DOCK9: variants seen among roughly 807,000 people sequenced by gnomAD.
The protein encoded by DOCK9 is dedicator of cytokinesis 9, also known as dedicator of cytokinesis protein 9.
A neutral mutation model predicts 263.3 loss-of-function variants in DOCK9; 89 were observed. The ratio of observed to expected loss-of-function variants is 0.34; its 90% CI spans 0.28 to 0.40. DOCK9 has a LOEUF of 0.40. Ranked by LOEUF, DOCK9 falls within the 10% of genes least tolerant of loss-of-function variation. The pLI is 1.00. For synonymous variants in DOCK9, 976 were observed against 973.1 expected, an observed-to-expected ratio of 1.00 and a Z score of -0.06; for missense variants, 2,140 against 2,603.4, an observed-to-expected ratio of 0.82 and a Z score of 3.87.
chr13:99,012,542 CCACCTGAGCTGGAGGTAGGA>C lies in DOCK9; in HGVS notation c.130-57011_130-56992del, dbSNP rs370371198. The stretch of plus-strand genomic sequence containing the variant: ...AAGCCAGAATCACAGGCTGGAGCCA[CCACCTGAGCTGGAGGTAGGA>C]CAGACATCCTACCCAAGCTGAGAAC... On this transcript the variant is annotated intron_variant, in intron 1 of 32. Transcript: ENST00000427887. Among the ~76,000 whole-genome samples, 146 of 152,258 alleles carry C rather than the reference CCACCTGAGCTGGAGGTAGGA, an allele frequency of 9.6e-4. 2 individuals are homozygous for C. The highest frequency in any genetic ancestry group is 3.5e-3 in the African/African-American group (144 of 41,548).
chr13:98,961,368 C>G (rs2058622698), intron 1 of DOCK9, among the ~76,000 whole-genome samples: 1 of 152,176 alleles, frequency 6.6e-6, no homozygotes, highest in South Asian at 2.1e-4. Context: ...AGCTCCAGTC[C>G]CTCCCTCTAC....
intron 2 of DOCK9, among the ~76,000 whole-genome samples, chr13:98,949,293 T>C (rs1460494433): frequency 6.6e-6 from 1 of 152,180 alleles, no homozygotes; most frequent in Non-Finnish European, 1.5e-5. Context: ...CCTTTCTTCC[T>C]ATGTGTATTT....
At chr13:99,066,065 C>G (rs1467963538) in intron 1 of DOCK9, among the ~76,000 whole-genome samples, 2 of 152,194 alleles carry the variant, frequency 1.3e-5, no homozygotes, top group African/African-American at 4.8e-5. Context: ...ATGACCCACA[C>G]ACGTCCTGAA....
chr13:98,928,394 A>C (rs1273242836), intron 3 of DOCK9, among the ~76,000 whole-genome samples: 1 of 152,246 alleles, frequency 6.6e-6, no homozygotes, highest in South Asian at 2.1e-4. Context: ...ATGAAGAGGA[A>C]GTGATGTTCA....
chr13:98,987,945 T>A lies in DOCK9; in HGVS notation c.130-32394A>T, dbSNP rs1040112309. 8.4e-4 allele frequency among the ~76,000 whole-genome samples: 121 copies of A among 143,556 alleles called. 1 individual carries two copies. In the Middle Eastern group the frequency reaches 0.011, roughly 14 times the overall value. The allele number at this position is 143,556 out of a possible 152,430, so 94.2% of individuals were successfully genotyped here. Reference sequence around the variant, plus strand: ...TATTAAAAGATAACAGCATATAAAATTTTTTTTAAATTTAAAAAATAAAAA... The same window carrying A: ...TATTAAAAGATAACAGCATATAAAAATTTTTTTAAATTTAAAAAATAAAAA... On this transcript the variant is annotated intron_variant, in intron 1 of 32. Transcript: ENST00000427887.
rs2092667915 is a variant in DOCK9, at chr13:98,829,266, T to C, written c.4965+41A>G. The C allele has an allele frequency of 6.4e-7, 1 of 1,561,912 alleles. No individual in the cohort carries two copies. The highest frequency in any genetic ancestry group is 8.7e-7 in the Non-Finnish European group (1 of 1,149,984). On this transcript the variant is annotated intron_variant, in intron 43 of 52. Coordinates refer to ENST00000682017, the MANE Select transcript of DOCK9 (RefSeq NM_001366683.2). This position sits in a 1 kb window ranked among gnomAD's most constrained non-coding sequence, Gnocchi z 4.1. ...TTTTAAGTGAATGGGGCCTCACTGG[T>C]TTTTTCAAAAACCCATTCAAGCGGC...
Position 98,903,118 on chromosome 13 carries a change from A to G in DOCK9, c.1036-6T>C. 2 of 1,499,046 alleles carry G rather than the reference A, an allele frequency of 1.3e-6. No homozygotes were observed. The highest frequency in any genetic ancestry group is 1.8e-6 in the Non-Finnish European group (2 of 1,130,654). 92.9% of individuals were successfully genotyped at this position (1,499,046 alleles called of 1,614,324 possible). A position where few individuals can be genotyped will look rare whatever the true frequency, so the allele number is the denominator to read the frequency against. On this transcript the variant is annotated splice_polypyrimidine_tract_variant and splice_region_variant and intron_variant, in intron 10 of 52. Transcript: ENST00000682017. ...GCTGATGAGAAGTCAAGCTTCTTTA[A>G]AAGAAAATGTAAACATATAAATAAG...
chr13:98,860,343 T>C (rs1462797113), intron 33 of DOCK9, 62 bp downstream of exon 33: 7 of 1,549,516 alleles, frequency 4.5e-6, no homozygotes, highest in East Asian at 2.4e-5. Context: ...TCACCAACTA[T>C]TGGCTCCAAG....
Position 98,886,578 on chromosome 13 carries a change from A to C in DOCK9, c.2090T>G (p.Phe697Cys). The C allele has an allele frequency of 6.2e-7, 1 of 1,613,922 alleles. No homozygotes were observed. Among genetic ancestry groups the C allele is most frequent in the Non-Finnish European group, 8.5e-7 (1 of 1,179,832 alleles). Reference sequence around the variant, plus strand: ...TTGGTGATGGTGTAAAACTGCAGCAAAGGCGCTTCTTGTGAAAACTGGCCC... The same window carrying C: ...TTGGTGATGGTGTAAAACTGCAGCACAGGCGCTTCTTGTGAAAACTGGCCC... ...PGGPVFTRSA[F>C]AAVLHHHQNP... Residue 697 changes from phenylalanine (F) to cysteine (C), a missense_variant, in exon 19 of 53, where the codon TTT becomes TGT. Phe to Cys is a radical substitution (Grantham distance 205). This residue lies in a region of DOCK9 where 1,521 missense variants were observed against 1,741.7 expected (regional missense o/e 0.87). Transcript: ENST00000682017.
At chr13:98,980,300 C>T (rs144191409), upstream of DOCK9, among the ~76,000 whole-genome samples, 1 of 152,394 alleles carries the variant, frequency 6.6e-6, no homozygotes, top group African/African-American at 2.4e-5. Flanking sequence ...CATGCCTGTT[C>T]AAGCCCTACA....
chr13:99,086,503 C>T, exon 1 of DOCK9: 1 of 362,766 alleles, frequency 2.8e-6, no homozygotes, highest in Non-Finnish European at 3.8e-6. Context: ...GCGAGTCCGG[C>T]CGCCGCAGCC....
In DOCK9 at chr13:98,904,664, C is replaced by T. The variant is rs756823386; in HGVS notation, c.1003G>A (p.Val335Ile). ...AEIKLKSESR[V>I]KLFYLDPDAQ... ...TCTGGGTCCAAATAAAAAAGTTTGA[C>T]TCTGCTTTCACTTTTCAGTTTGATT... Residue 335 changes from valine (V) to isoleucine (I), a missense_variant, in exon 10 of 53, where the codon GTC becomes ATC. Val to Ile is a conservative substitution (Grantham distance 29, BLOSUM62 3). Coordinates refer to ENST00000682017, the MANE Select transcript of DOCK9 (RefSeq NM_001366683.2). 2 of 1,557,850 alleles carry T rather than the reference C, an allele frequency of 1.3e-6. No individual in the cohort carries two copies. Among genetic ancestry groups the T allele is most frequent in the Non-Finnish European group, 1.7e-6 (2 of 1,149,628 alleles).
chr13:98,905,747 TCTTTA>T (rs749947983), intron 9 of DOCK9, among the ~76,000 whole-genome samples: 76 of 150,840 alleles, frequency 5.0e-4, no homozygotes, highest in Non-Finnish European at 9.1e-4. Context: ...ATTCTTTATT[TCTTTA>T]CTTTCTTAAT....
At chr13:98,909,952 A>G (rs533828396) in intron 9 of DOCK9, among the ~76,000 whole-genome samples, 3 of 152,338 alleles carry the variant, frequency 2.0e-5, no homozygotes, top group African/African-American at 7.2e-5. Flanking sequence ...AAACAAAGTT[A>G]AAAGGTAAAA....
chr13:98,906,238 G>A (rs1468318501), intron 9 of DOCK9, among the ~76,000 whole-genome samples: 1 of 152,138 alleles, frequency 6.6e-6, no homozygotes, highest in Admixed American at 6.5e-5. Flanking sequence ...GAGATGTCCT[G>A]AGGGAGAGGG....
chr13:98,863,636 G>T, intron 30 of DOCK9, 88 bp from the exon 31 acceptor site: 3 of 1,388,890 alleles, frequency 2.2e-6, no homozygotes, highest in Non-Finnish European at 2.9e-6. Context: ...AAAAAACTAA[G>T]ACCCATCCTC....
In DOCK9 at chr13:98,863,530, G is replaced by A. The variant is rs907221531; in HGVS notation, c.3305C>T (p.Ser1102Leu). The change falls in exon 31 of 53, where the codon TCA (serine) becomes TTA (leucine). Residue 1102 changes from serine to leucine, a missense_variant. Around this residue, in one of 2 missense-constraint regions of DOCK9, gnomAD observed 1,521 missense variants for 1,741.7 expected, o/e 0.87. Transcript: ENST00000682017. ...QRYQDLQLDY[S>L]LTDEFCRNHF... Reference sequence around the variant, plus strand: ...GTTTCTGCAGAACTCATCTGTTAATGAGTAGTCAAGCTGGAGGTCTGAAAT... The same window carrying A: ...GTTTCTGCAGAACTCATCTGTTAATAAGTAGTCAAGCTGGAGGTCTGAAAT... 3.1e-6 allele frequency: 5 copies of A among 1,611,880 alleles called. No individual in the cohort carries two copies. Among genetic ancestry groups the A allele is most frequent in the African/African-American group, 1.3e-5 (1 of 74,792 alleles).
intron 3 of DOCK9, among the ~76,000 whole-genome samples, chr13:98,928,405 C>T (rs780304880): frequency 1.1e-4 from 16 of 152,208 alleles, no homozygotes; most frequent in Non-Finnish European, 1.8e-4. Flanking sequence ...GTGATGTTCA[C>T]TCCACCCAAG....
intron 3 of DOCK9, among the ~76,000 whole-genome samples, chr13:98,927,632 T>TA (rs113119220): frequency 0.64 from 97,680 of 151,652 alleles, 31,962 homozygotes; most frequent in Middle Eastern, 0.78. Flanking sequence ...TTTATTTATT[T>TA]TTTTTTAAGA....
Sources: allele counts gnomAD v4.1 joint callset (sites outside exome capture counted in the v4.1 genomes callset), GRCh38; gene constraint gnomAD v4.1.1; regional missense constraint gnomAD v4.1.1; non-coding constraint Gnocchi (gnomAD v3.1); transcripts MANE v1.5; gene names NCBI Gene and HGNC (gene_info 2026-07-23, HGNC 2026-07-21).